SASH1: variants seen among roughly 807,000 people sequenced by gnomAD.
SASH1 encodes SAM and SH3 domain containing 1, also known as SAM and SH3 domain-containing protein 1.
SASH1 carries 44 observed loss-of-function variants against 125.2 expected under a neutral mutation model. The observed-to-expected ratio is 0.35, with a 90% confidence interval of 0.28 to 0.45. The LOEUF is 0.45. Ranked by LOEUF, SASH1 falls within the 20% of genes least tolerant of loss-of-function variation. The pLI is 1.00. For synonymous variants in SASH1, 639 were observed against 649.1 expected (o/e 0.98, Z 0.24); for missense variants, 1,426 against 1,614.5 (o/e 0.88, Z 2.00).
chr6:148,543,179 A>C (rs2115450471), intron 17 of SASH1, among the ~76,000 whole-genome samples: 1 of 152,330 alleles, frequency 6.6e-6, no homozygotes, highest in African/African-American at 2.4e-5. Flanking sequence ...GGATAAACTT[A>C]CTAGAAGGAG....
intron 1 of SASH1, among the ~76,000 whole-genome samples, chr6:148,291,829 ATTGTTATTC>A (rs1779642488): frequency 6.6e-6 from 1 of 152,170 alleles, no homozygotes; most frequent in Non-Finnish European, 1.5e-5. Context: ...ATTTATTGTC[ATTGTTATTC>A]TTGTTGTTGC....
At chr6:148,442,280 A>T (rs1195601230) in intron 4 of SASH1, among the ~76,000 whole-genome samples, 1 of 143,616 alleles carries the variant, frequency 7.0e-6, no homozygotes, top group Non-Finnish European at 1.5e-5. Context: ...GGTGGTGCCC[A>T]CCTGTAGTCC....
chr6:148,356,139 C>T (rs1207633394), intron 1 of SASH1, among the ~76,000 whole-genome samples: 1 of 150,128 alleles, frequency 6.7e-6, no homozygotes, highest in African/African-American at 2.5e-5. Flanking sequence ...GGCTGGAGTG[C>T]AGTGGCGTGA....
intron 16 of SASH1, 54 bp downstream of exon 16, chr6:148,534,955 C>T: frequency 1.3e-6 from 2 of 1,568,000 alleles, no homozygotes; most frequent in South Asian, 1.1e-5. Context: ...ACAGCAGGCC[C>T]CACGTATGCT....
intron 4 of SASH1, among the ~76,000 whole-genome samples, chr6:148,461,076 C>T (rs899522504): frequency 1.3e-5 from 2 of 152,174 alleles, no homozygotes; most frequent in Admixed American, 6.5e-5. Context: ...CCAGACACTG[C>T]GCAAAGCTCT....
chr6:148,222,604 G>A, the SASH1 span, among the ~76,000 whole-genome samples: 3 of 151,584 alleles, frequency 2.0e-5, no homozygotes, highest in Non-Finnish European at 2.9e-5. Flanking sequence ...AAAACATTAC[G>A]GTTATGACTA....
At position 148,529,694 on chromosome 6, in the gene SASH1, G is replaced by GT. The variant is rs369012368; in HGVS notation, c.1429-1825dup. On this transcript the variant is annotated intron_variant, in intron 12 of 19. Transcript: ENST00000367467. The surrounding 1 kb of genome is among the most constrained non-coding windows in gnomAD (Gnocchi z 4.2). ...ATAGCAATCTTATGTGCTTAGTTCT[G>GT]TTTTTTTAAAGCAGCCATTTCACAT... 1.3e-5 allele frequency among the ~76,000 whole-genome samples: 2 copies of GT among 151,912 alleles called. No homozygotes were observed. The highest frequency in any genetic ancestry group is 2.1e-4 in the South Asian group (1 of 4,818).
intron 5 of SASH1, among the ~76,000 whole-genome samples, chr6:148,470,141 C>A (rs1421768411): frequency 6.6e-6 from 1 of 152,182 alleles, no homozygotes; most frequent in African/African-American, 2.4e-5. Context: ...TTTAACCCTG[C>A]ATGTCTGACA....
intron 2 of SASH1, among the ~76,000 whole-genome samples, chr6:148,404,599 C>T (rs1197205998): frequency 3.0e-5 from 4 of 133,632 alleles, no homozygotes; most frequent in Non-Finnish European, 6.5e-5. Context: ...CTGCCCCACC[C>T]CCAGCCCAGC....
At chr6:148,331,502 T>C (rs1339315668) in intron 1 of SASH1, among the ~76,000 whole-genome samples, 2 of 151,974 alleles carry the variant, frequency 1.3e-5, no homozygotes, top group African/African-American at 4.8e-5. Flanking sequence ...GCTAAGTTTT[T>C]GTATTTTCAG....
chr6:148,214,336 A>T, the SASH1 span, among the ~76,000 whole-genome samples: 2 of 152,244 alleles, frequency 1.3e-5, no homozygotes, highest in African/African-American at 4.8e-5. Context: ...AGATGAAATG[A>T]TACATGCAGT....
chr6:148,222,117 C>T, the SASH1 span, among the ~76,000 whole-genome samples: 1 of 152,076 alleles, frequency 6.6e-6, no homozygotes. Flanking sequence ...GTGTGGGGCA[C>T]CTTTGCTTTT....
chr6:148,249,373 G>A, the SASH1 span, among the ~76,000 whole-genome samples: 10 of 151,934 alleles, frequency 6.6e-5, no homozygotes, highest in African/African-American at 2.4e-4. Flanking sequence ...ATGCGCACGT[G>A]GGCTGATAGG....
At chr6:148,428,281 C>T (rs927576095) in intron 2 of SASH1, among the ~76,000 whole-genome samples, 2 of 152,180 alleles carry the variant, frequency 1.3e-5, no homozygotes, top group Admixed American at 1.3e-4. Flanking sequence ...CATCTTAAGT[C>T]ATTTTCTGGA....
chr6:148,312,561 G>A (rs1289595823), intron 1 of SASH1, among the ~76,000 whole-genome samples: 1 of 152,160 alleles, frequency 6.6e-6, no homozygotes, highest in Non-Finnish European at 1.5e-5. Context: ...TGAAAATTGT[G>A]CTCTGGCACT....
chr6:148,208,775 T>C, the SASH1 span, among the ~76,000 whole-genome samples: 18 of 152,206 alleles, frequency 1.2e-4, no homozygotes, highest in African/African-American at 4.1e-4. Context: ...TATTTCTTCA[T>C]CTTTGACATG....
At chr6:148,240,168 T>C in the SASH1 span, 1 of 152,194 alleles carries the variant, frequency 6.6e-6, no homozygotes, top group East Asian at 1.9e-4. Context: ...TTTGCTTTTT[T>C]TTTTTTTTTA....
At chr6:148,340,188 T>C (rs1012754936), upstream of SASH1, among the ~76,000 whole-genome samples, 10 of 151,998 alleles carry the variant, frequency 6.6e-5, no homozygotes, top group Admixed American at 2.0e-4. Flanking sequence ...TCTTCTTAAA[T>C]TTAAGAAAGT....
At chr6:148,238,623 CAT>C in the SASH1 span, among the ~76,000 whole-genome samples, 1 of 68,954 alleles carries the variant, frequency 1.5e-5, no homozygotes, top group Admixed American at 2.0e-4. Flanking sequence ...CATACACACA[CAT>C]ACACACACAC....
Sources: gnomAD v4.1 joint callset for allele counts (sites outside exome capture counted in the v4.1 genomes callset) on GRCh38, gnomAD v4.1.1 for gene constraint, Gnocchi (gnomAD v3.1) non-coding constraint, MANE v1.5 for transcripts, NCBI Gene and HGNC (gene_info 2026-07-23, HGNC 2026-07-21) for gene names.